Variants in FRYL observed in about 807,000 individuals in gnomAD.
FRYL encodes FRY like transcription coactivator, also known as protein furry homolog-like.
A neutral mutation model predicts 351.2 loss-of-function variants in FRYL; 150 were observed. The ratio of observed to expected loss-of-function variants is 0.43; its 90% CI spans 0.37 to 0.49. FRYL has a LOEUF of 0.49. Among genes scored for constraint, FRYL ranks in the 20% least tolerant of loss-of-function variants. The pLI, the probability that FRYL is intolerant of heterozygous loss-of-function variation, is 0.00. For missense variants in FRYL, 3,036 were observed against 3,619.3 expected (o/e 0.84, Z 4.13); for synonymous variants, 1,153 against 1,257.1 (o/e 0.92, Z 1.75).
In FRYL at chr4:48,497,364, C is replaced by T. The variant is rs963207138; in HGVS notation, c.*2058G>A. Reference sequence around the variant, plus strand: ...AATGAATTTGTTTGCATCTTGCTTGCTGCAGGTATATTCATTTTTATTATA... The same window carrying T: ...AATGAATTTGTTTGCATCTTGCTTGTTGCAGGTATATTCATTTTTATTATA... On this transcript the variant is annotated 3_prime_UTR_variant, in exon 64 of 64. Coordinates refer to ENST00000358350, the MANE Select transcript of FRYL (RefSeq NM_015030.2). 18 of 152,334 alleles carry T rather than the reference C, an allele frequency of 1.2e-4. No individual in the cohort carries two copies. Among genetic ancestry groups the T allele is most frequent in the African/African-American group, 3.8e-4 (16 of 41,570 alleles). The allele number at this position is 152,334 out of a possible 1,614,324, so 9.4% of individuals were successfully genotyped here.
intron 22 of FRYL, among the ~76,000 whole-genome samples, chr4:48,579,819 T>C (rs1156741275): frequency 6.6e-6 from 1 of 152,164 alleles, no homozygotes; most frequent in African/African-American, 2.4e-5. Flanking sequence ...AAACAAAATG[T>C]TTTGAATTGT....
rs140419793 is a variant in FRYL, at chr4:48,705,210, A to G, written c.-204+5309T>C. Among the ~76,000 whole-genome samples the G allele has an allele frequency of 3.2e-3, 481 of 152,088 alleles. 1 individual carries two copies. Among genetic ancestry groups the G allele is most frequent in the African/African-American group, 0.011 (460 of 41,504 alleles). ...CCCCAAACACAGTGGAAAGATATAA[A>G]AAGATTTATATATCCGCAAGGTTAT... On this transcript the variant is annotated intron_variant, in intron 2 of 63. Transcript: ENST00000358350.
chr4:48,503,521 G>GT (rs1280079844), intron 60 of FRYL, among the ~76,000 whole-genome samples: 1 of 152,176 alleles, frequency 6.6e-6, no homozygotes, highest in African/African-American at 2.4e-5. Context: ...AAAACACAGA[G>GT]TAAAAATTTA....
intron 1 of FRYL, among the ~76,000 whole-genome samples, chr4:48,747,366 C>T (rs1169881136): frequency 6.6e-6 from 1 of 152,068 alleles, no homozygotes; most frequent in Non-Finnish European, 1.5e-5. Flanking sequence ...ATTTTTCTCA[C>T]CTAAAACAAA....
intron 13 of FRYL, among the ~76,000 whole-genome samples, chr4:48,601,258 C>A (rs1224936539): frequency 6.6e-6 from 1 of 152,190 alleles, no homozygotes; most frequent in African/African-American, 2.4e-5. Context: ...TGCAATATTT[C>A]TATAACTTGC....
intron 7 of FRYL, among the ~76,000 whole-genome samples, chr4:48,613,503 AC>A (rs1308187784): frequency 6.6e-6 from 1 of 152,150 alleles, no homozygotes; most frequent in East Asian, 1.9e-4. Flanking sequence ...CTTTGTTGCC[AC>A]CCTACTACCA....
chr4:48,673,649 T>C (rs1763078717), intron 3 of FRYL, among the ~76,000 whole-genome samples: 2 of 152,346 alleles, frequency 1.3e-5, no homozygotes, highest in African/African-American at 4.8e-5. Flanking sequence ...AGCAAACGCC[T>C]TATTTTAAAA....
intron 19 of FRYL, among the ~76,000 whole-genome samples, chr4:48,585,946 G>A (rs1369697092): frequency 6.6e-6 from 1 of 152,016 alleles, no homozygotes; most frequent in Non-Finnish European, 1.5e-5. Context: ...TGTATAATTG[G>A]ACCCATTACA....
chr4:48,500,539 A>C (rs1238782552), intron 62 of FRYL, among the ~76,000 whole-genome samples: 1 of 152,232 alleles, frequency 6.6e-6, no homozygotes, highest in East Asian at 1.9e-4. Context: ...TGAAAACTAT[A>C]TAACAGTAAA....
chr4:48,730,433 A>C (rs1320299639), intron 1 of FRYL, among the ~76,000 whole-genome samples: 2 of 152,230 alleles, frequency 1.3e-5, no homozygotes, highest in Non-Finnish European at 2.9e-5. Flanking sequence ...CGTAATTGTC[A>C]GATTCACCAA....
chr4:48,764,031 AT>A (rs1473175866), intron 1 of FRYL, among the ~76,000 whole-genome samples: 1 of 152,072 alleles, frequency 6.6e-6, no homozygotes, highest in Non-Finnish European at 1.5e-5. Context: ...TAAGCCAGGC[AT>A]TGTGGCAGGT....
intron 3 of FRYL, among the ~76,000 whole-genome samples, chr4:48,657,408 T>C (rs1759470109): frequency 6.8e-6 from 1 of 147,304 alleles, no homozygotes; most frequent in African/African-American, 2.5e-5. Context: ...CTCCAGCTAC[T>C]AATCCTGTTT....
chr4:48,584,958 C>A (rs1212555449), intron 19 of FRYL, among the ~76,000 whole-genome samples: 2 of 152,142 alleles, frequency 1.3e-5, no homozygotes, highest in Admixed American at 1.3e-4. Context: ...GAGAAAGAAG[C>A]AAAGTGAACA....
At chr4:48,775,730 TAAG>T (rs1317009628) in intron 1 of FRYL, among the ~76,000 whole-genome samples, 1 of 152,118 alleles carries the variant, frequency 6.6e-6, no homozygotes, top group Non-Finnish European at 1.5e-5. Flanking sequence ...AATCAAGAAA[TAAG>T]AAGAAATTAA....
At chr4:48,634,920 A>G (rs1753926065) in intron 3 of FRYL, among the ~76,000 whole-genome samples, 2 of 152,322 alleles carry the variant, frequency 1.3e-5, no homozygotes, top group South Asian at 4.1e-4. Flanking sequence ...GAACTGAAAA[A>G]CAACACTACT....
At position 48,561,570 on chromosome 4, in the gene FRYL, T is replaced by C. The variant is rs779763461; in HGVS notation, c.3763A>G (p.Ser1255Gly). 1.2e-6 allele frequency: 2 copies of C among 1,612,496 alleles called. No individual in the cohort carries two copies. ...AGATGTGGTAGAGGAGACAGCTGGC[T>C]GAGTACTCCATCTGTTCTCTGAACC... ...LEVQRTDGVL[S>G]QLSPLPHLYS... The change falls in exon 33 of 64, where the codon AGC (serine) becomes GGC (glycine). Residue 1255 changes from serine (S) to glycine (G), a missense_variant. Physicochemically the swap from Ser to Gly is moderately conservative, Grantham distance 56 (BLOSUM62 0). Around this residue, in one of 7 missense-constraint regions of FRYL, gnomAD observed 1,987 missense variants for 2,311.7 expected, o/e 0.86. Coordinates refer to ENST00000358350, the MANE Select transcript of FRYL (RefSeq NM_015030.2).
At chr4:48,640,680 G>C (rs1755144492) in intron 3 of FRYL, among the ~76,000 whole-genome samples, 1 of 152,052 alleles carries the variant, frequency 6.6e-6, no homozygotes, top group Non-Finnish European at 1.5e-5. Flanking sequence ...TTTCATCAAT[G>C]GTAACAAACA....
In FRYL at chr4:48,497,685, G is replaced by A. The variant is rs1189266266; in HGVS notation, c.*1737C>T. On this transcript the variant is annotated 3_prime_UTR_variant, in exon 64 of 64. Coordinates refer to ENST00000358350, the MANE Select transcript of FRYL (RefSeq NM_015030.2). ...CTCTGGACACCATCCCTCTCTGCCT[G>A]CCCCACACCCAAAAGTTTTAAATAA... The A allele has an allele frequency of 6.6e-6, 1 of 152,552 alleles. No homozygotes were observed. The highest frequency in any genetic ancestry group is 1.5e-5 in the Non-Finnish European group (1 of 68,008). 9.4% of individuals were successfully genotyped at this position (152,552 alleles called of 1,614,324 possible).
intron 20 of FRYL, 22 bp downstream of exon 20, chr4:48,582,475 A>T (rs1741154129): frequency 1.4e-6 from 2 of 1,471,454 alleles, no homozygotes; most frequent in Admixed American, 3.4e-5. Context: ...ATACAAAAGG[A>T]CAATAGAAAA....
Sources: allele counts gnomAD v4.1 joint callset (sites outside exome capture counted in the v4.1 genomes callset), GRCh38; gene constraint gnomAD v4.1.1; regional missense constraint gnomAD v4.1.1; transcripts MANE v1.5; gene names NCBI Gene and HGNC (gene_info 2026-07-23, HGNC 2026-07-21).